SAXO4: variants seen among roughly 807,000 people sequenced by gnomAD.
SAXO4 encodes the protein stabilizer of axonemal microtubules 4.
chr11:61,482,914 C>A, the SAXO4 span: 1 of 1,234,238 alleles, frequency 8.1e-7, no homozygotes, highest in Non-Finnish European at 1.1e-6. Flanking sequence ...CATGGAGCAG[C>A]CACCTTGTAG....
chr11:61,483,925 A>G, the SAXO4 span, among the ~76,000 whole-genome samples: 1 of 151,272 alleles, frequency 6.6e-6, no homozygotes, highest in East Asian at 1.9e-4. Flanking sequence ...CCTGGGCAAT[A>G]GAATGAGACT....
At chr11:61,489,938 C>A in the SAXO4 span, 1 of 1,610,076 alleles carries the variant, frequency 6.2e-7, no homozygotes, top group East Asian at 2.2e-5. Flanking sequence ...TGCATCCCCA[C>A]GTGGGAAGGT....
the SAXO4 span, chr11:61,485,486 T>G: frequency 7.9e-7 from 1 of 1,267,776 alleles, no homozygotes; most frequent in African/African-American, 1.5e-5. Flanking sequence ...GGAGCTGGCC[T>G]AGGACTGAGA....
chr11:61,481,966 G>A, the SAXO4 span: 11 of 1,296,028 alleles, frequency 8.5e-6, no homozygotes, highest in South Asian at 1.2e-4. Flanking sequence ...TGGGCAGGAA[G>A]GGAGGGGCTC....
the SAXO4 span, chr11:61,487,125 C>T: frequency 1.2e-6 from 2 of 1,613,262 alleles, no homozygotes; most frequent in East Asian, 4.5e-5. Flanking sequence ...GACAATTCCC[C>T]TGTCTACCCC....
chr11:61,486,878 TC>T, the SAXO4 span: 27 of 1,296,124 alleles, frequency 2.1e-5, no homozygotes, highest in Non-Finnish European at 2.8e-5. Context: ...CTCTGCCTGC[TC>T]CCCTCTCCAT....
At chr11:61,486,025 C>T in the SAXO4 span, 171 of 753,970 alleles carry the variant, frequency 2.3e-4, 2 homozygotes, top group Middle Eastern at 6.5e-4. Context: ...AAACACAAGA[C>T]GAAAGAGCTT....
the SAXO4 span, chr11:61,490,554 G>C: frequency 6.2e-7 from 1 of 1,614,110 alleles, no homozygotes; most frequent in Non-Finnish European, 8.5e-7. Flanking sequence ...AGCAGCCGCT[G>C]CGTGGCACAC....
chr11:61,487,369 C>A, the SAXO4 span: 1 of 793,780 alleles, frequency 1.3e-6, no homozygotes, highest in Non-Finnish European at 2.1e-6. Context: ...CAGAAGCATA[C>A]CCTAAGCCAA....
chr11:61,486,226 T>G, the SAXO4 span: 9 of 1,062,128 alleles, frequency 8.5e-6, no homozygotes, highest in African/African-American at 1.6e-5. Context: ...GATGCCCATT[T>G]GAGCTGAGTC....
chr11:61,483,097 C>CTGTCCCTACTACCA, the SAXO4 span, among the ~76,000 whole-genome samples: 5 of 151,822 alleles, frequency 3.3e-5, no homozygotes, highest in African/African-American at 1.2e-4. Context: ...AGCCCCATCA[C>CTGTCCCTACTACCA]TGTCCCTACT....
the SAXO4 span, among the ~76,000 whole-genome samples, chr11:61,488,397 C>T: frequency 6.6e-6 from 1 of 151,442 alleles, no homozygotes; most frequent in Admixed American, 6.6e-5. Flanking sequence ...CCCCGCCTCC[C>T]GGGTTCACGC....
At chr11:61,489,460 A>T in the SAXO4 span, 9 of 557,564 alleles carry the variant, frequency 1.6e-5, no homozygotes, top group African/African-American at 1.5e-4. Flanking sequence ...GGAAATGGAA[A>T]TGAAATGGAA....
chr11:61,486,809 T>C, the SAXO4 span: 264 of 908,960 alleles, frequency 2.9e-4, no homozygotes, highest in Non-Finnish European at 4.2e-4. Flanking sequence ...TGAAATAGAA[T>C]TGGCTGGAAG....
At chr11:61,489,837 A>G in the SAXO4 span, 1 of 1,613,908 alleles carries the variant, frequency 6.2e-7, no homozygotes, top group Admixed American at 1.7e-5. Flanking sequence ...TCGAGGTGGC[A>G]TCCAGCCCCA....
chr11:61,489,497 A>G, the SAXO4 span: 3 of 576,544 alleles, frequency 5.2e-6, no homozygotes, highest in Admixed American at 3.2e-5. Context: ...AGAGAAGTGG[A>G]TGAGACGGGG....
the SAXO4 span, chr11:61,482,717 C>T: frequency 6.2e-7 from 1 of 1,614,044 alleles, no homozygotes; most frequent in Non-Finnish European, 8.5e-7. Flanking sequence ...CTGGAGGTGC[C>T]TGACGGCAAG....
At chr11:61,485,552 C>T in the SAXO4 span, 41 of 778,014 alleles carry the variant, frequency 5.3e-5, no homozygotes, top group East Asian at 3.7e-4. Context: ...GCGCCTCTCC[C>T]GGGCTGACCT....
the SAXO4 span, chr11:61,490,690 A>AC: frequency 9.8e-7 from 1 of 1,016,076 alleles, no homozygotes; most frequent in Non-Finnish European, 1.5e-6. Flanking sequence ...CTGCCTGGGG[A>AC]CCCCCCTTCC....
Sources: gnomAD v4.1 joint callset for allele counts (sites outside exome capture counted in the v4.1 genomes callset) on GRCh38, gnomAD v4.1.1 for gene constraint, MANE v1.5 for transcripts, NCBI Gene and HGNC (gene_info 2026-07-23, HGNC 2026-07-21) for gene names.